Variants in PKHD1 observed in about 807,000 individuals in gnomAD.
PKHD1 encodes the protein PKHD1 ciliary IPT domain containing fibrocystin/polyductin.
A neutral mutation model predicts 412.0 loss-of-function variants in PKHD1; 291 were observed. That is an observed-to-expected ratio of 0.71 (90% CI 0.64 to 0.78). The LOEUF (loss-of-function observed/expected upper bound fraction) is 0.78. PKHD1 is among the 30% of genes least tolerant of loss of function. The pLI is 0.00. For synonymous variants in PKHD1, 1,777 were observed against 1,821.5 expected (o/e 0.98, Z 0.62); for missense variants, 4,825 against 4,950.7 (o/e 0.97, Z 0.76).
At chr6:51,626,665 C>T (rs1767278244) in intron 66 of PKHD1, among the ~76,000 whole-genome samples, 1 of 152,130 alleles carries the variant, frequency 6.6e-6, no homozygotes, top group Non-Finnish European at 1.5e-5. Context: ...AATAATGTTG[C>T]CAAATTGGCA....
Position 51,659,695 on chromosome 6 carries a change from A to T in PKHD1, c.10431T>A (p.Thr3477=). 1 of 1,613,874 alleles carries T rather than the reference A, an allele frequency of 6.2e-7. No individual in the cohort carries two copies. The highest frequency in any genetic ancestry group is 8.5e-7 in the Non-Finnish European group (1 of 1,179,880). ...QITKVCFMDQ[T]PQVLRFFLLG... Reference sequence around the variant, plus strand: ...ATAGAAAAAAGCGCAAAACTTGAGGAGTTTGATCCATGAAGCAGACTTTGG... The same window carrying T: ...ATAGAAAAAAGCGCAAAACTTGAGGTGTTTGATCCATGAAGCAGACTTTGG... Residue 3477 remains threonine (T), a synonymous_variant, in exon 61 of 67, where the codon ACT becomes ACA. Transcript: ENST00000371117.
intron 53 of PKHD1, among the ~76,000 whole-genome samples, chr6:51,786,792 C>A (rs1462093859): frequency 6.6e-6 from 1 of 152,084 alleles, no homozygotes; most frequent in Admixed American, 6.6e-5. Flanking sequence ...GCCCAGTATC[C>A]CCCATGGTAC....
intron 52 of PKHD1, among the ~76,000 whole-genome samples, chr6:51,801,757 G>A (rs533170116): frequency 6.6e-6 from 1 of 150,696 alleles, no homozygotes; most frequent in South Asian, 2.1e-4. Flanking sequence ...TTAAACTTTG[G>A]ACAATAAATC....
At chr6:52,027,963 G>T in intron 30 of PKHD1, 67 bp from the exon 31 acceptor site, 1 of 1,307,358 alleles carries the variant, frequency 7.6e-7, no homozygotes, top group Non-Finnish European at 1.1e-6. Flanking sequence ...TAAGCCAGAA[G>T]AGCCATATGT....
intron 35 of PKHD1, among the ~76,000 whole-genome samples, chr6:51,999,353 G>GT (rs201827737): frequency 0.011 from 1,620 of 152,158 alleles, 35 homozygotes; most frequent in African/African-American, 0.037. Flanking sequence ...AGACACAGGA[G>GT]TTTTTGTTTT....
intron 37 of PKHD1, among the ~76,000 whole-genome samples, chr6:51,922,798 A>T (rs1037714926): frequency 6.6e-6 from 1 of 152,182 alleles, no homozygotes; most frequent in Non-Finnish European, 1.5e-5. Flanking sequence ...CCATTGGAAA[A>T]GTGCAGCACT....
Position 51,959,920 on chromosome 6 carries a change from A to T in PKHD1, c.5858T>A (p.Leu1953Ter). 6.2e-7 allele frequency: 1 copy of T among 1,613,566 alleles called. No homozygotes were observed. The highest frequency in any genetic ancestry group is 8.5e-7 in the Non-Finnish European group (1 of 1,179,624). The stretch of plus-strand genomic sequence containing the variant: ...GCTTGTGTTAGTGTCCAGCAGAAGC[A>T]ATTGGCCATTCTCCACTGTGACGTT... ...GDNVTVENGQ[L>*]LLLDTNTSIL... is the part of the protein sequence containing the mutation. Residue 1953 changes from leucine to a stop codon, truncating the protein, a stop_gained, in exon 36 of 67, where the codon TTG becomes TAG. Transcript: ENST00000371117. LOFTEE classifies it high-confidence loss of function.
In PKHD1 at chr6:52,062,605, A is replaced by G; in HGVS notation, c.1032T>C (p.Thr344=). ...VGDAVEGLEL[T]EATPGYRWQI... ...GCCACCTGTACCCTGGGGTGGCTTC[A>G]GTCAGTTCCAGTCCCTCAACAGCAT... The change falls in exon 14 of 67, where the codon ACT becomes ACC. Residue 344 remains threonine, a synonymous_variant. Transcript: ENST00000371117. The G allele has an allele frequency of 1.2e-6, 2 of 1,614,126 alleles. No individual in the cohort carries two copies. Among genetic ancestry groups the G allele is most frequent in the Non-Finnish European group, 1.7e-6 (2 of 1,179,940 alleles).
intron 35 of PKHD1, among the ~76,000 whole-genome samples, chr6:52,002,545 G>A (rs1798563558): frequency 6.6e-6 from 1 of 152,166 alleles, no homozygotes; most frequent in African/African-American, 2.4e-5. Flanking sequence ...CAGGTCAGGG[G>A]TCAATGGTTG....
chr6:51,798,441 G>A (rs1285609809), intron 52 of PKHD1, among the ~76,000 whole-genome samples: 4 of 152,080 alleles, frequency 2.6e-5, no homozygotes, highest in African/African-American at 9.7e-5. Flanking sequence ...TAAGAATGTT[G>A]AATATCTACC....
At chr6:51,733,675 G>A (rs1224348649) in intron 60 of PKHD1, among the ~76,000 whole-genome samples, 2 of 152,134 alleles carry the variant, frequency 1.3e-5, no homozygotes, top group Admixed American at 6.6e-5. Flanking sequence ...GAATTCCTAT[G>A]CTTGAAAAAG....
Position 52,072,721 on chromosome 6 carries a change from G to C in PKHD1, c.528-532C>G, listed in dbSNP as rs73739132. ...AGACAGATGGAGTAGAACAGAAGAG[G>C]ATGCCCCCAACCCATCCAGAGTGAA... On this transcript the variant is annotated intron_variant, in intron 7 of 66. Transcript: ENST00000371117. Among the ~76,000 whole-genome samples the C allele has an allele frequency of 4.4e-3, 673 of 152,236 alleles. 5 individuals carry two copies. The highest frequency in any genetic ancestry group is 0.015 in the African/African-American group (626 of 41,542).
At chr6:51,717,171 G>A (rs1276047868) in intron 60 of PKHD1, among the ~76,000 whole-genome samples, 2 of 152,220 alleles carry the variant, frequency 1.3e-5, no homozygotes, top group Admixed American at 6.5e-5. Context: ...CAACATTTTG[G>A]GAGGCCAAGG....
At chr6:52,010,758 A>G (rs1799701762) in intron 34 of PKHD1, among the ~76,000 whole-genome samples, 2 of 152,224 alleles carry the variant, frequency 1.3e-5, no homozygotes, top group African/African-American at 4.8e-5. Context: ...TTAACAAGAA[A>G]TGCAGGGACA....
chr6:52,052,271 CTG>C (rs1806974529), intron 21 of PKHD1, among the ~76,000 whole-genome samples: 1 of 152,210 alleles, frequency 6.6e-6, no homozygotes, highest in Admixed American at 6.5e-5. Flanking sequence ...TGAGGGCAAA[CTG>C]CACCATTCTG....
In PKHD1 at chr6:51,885,963, G is replaced by T; in HGVS notation, c.7119C>A (p.Leu2373=). 1 of 1,581,888 alleles carries T rather than the reference G, an allele frequency of 6.3e-7. No individual in the cohort carries two copies. Among genetic ancestry groups the T allele is most frequent in the Non-Finnish European group, 8.7e-7 (1 of 1,150,690 alleles). The change falls in exon 45 of 67, where the codon CTC becomes CTA. Residue 2373 remains leucine, a synonymous_variant. Coordinates refer to ENST00000371117, the MANE Select transcript of PKHD1 (RefSeq NM_138694.4). Reference sequence around the variant, plus strand: ...GTGGCTGAAATTTAGGGTATACAAAGAGACCATACCTAAAAAGTGAAACAG... The same window carrying T: ...GTGGCTGAAATTTAGGGTATACAAATAGACCATACCTAAAAAGTGAAACAG... ...NIAHSCTRYG[L]FVYPKFQPPW...
At chr6:52,059,752 TCAATAA>T (rs1169537325) in intron 15 of PKHD1, among the ~76,000 whole-genome samples, 170 bp downstream of exon 15, 2 of 152,220 alleles carry the variant, frequency 1.3e-5, no homozygotes, top group Admixed American at 1.3e-4. Flanking sequence ...CAGTAAATGC[TCAATAA>T]ATAGTACGTT....
At chr6:51,895,033 T>C in intron 43 of PKHD1, among the ~76,000 whole-genome samples, 1 of 152,228 alleles carries the variant, frequency 6.6e-6, no homozygotes, top group Admixed American at 6.5e-5. Flanking sequence ...TACACACAAA[T>C]ACATGCACAT....
chr6:51,683,234 A>G (rs1250584494), intron 60 of PKHD1, among the ~76,000 whole-genome samples: 2 of 152,090 alleles, frequency 1.3e-5, no homozygotes, highest in African/African-American at 2.4e-5. Flanking sequence ...AAACTGATGT[A>G]TCATAATTCA....
Sources: allele counts gnomAD v4.1 joint callset (sites outside exome capture counted in the v4.1 genomes callset), GRCh38; gene constraint gnomAD v4.1.1; transcripts MANE v1.5; gene names NCBI Gene and HGNC (gene_info 2026-07-23, HGNC 2026-07-21).